NCKAP5: variants seen among roughly 807,000 people sequenced by gnomAD.
NCKAP5 encodes NCK associated protein 5, also known as nck-associated protein 5.
A neutral mutation model predicts 167.0 loss-of-function variants in NCKAP5; 92 were observed. The observed-to-expected ratio is 0.55, with a 90% CI of 0.47 to 0.66. NCKAP5 has a LOEUF of 0.66. Ranked by LOEUF, NCKAP5 falls within the 30% of genes least tolerant of loss-of-function variation. The pLI, the probability that NCKAP5 is intolerant of heterozygous loss-of-function variation, is 0.00. For missense variants in NCKAP5, 2,378 were observed against 2,315.0 expected (o/e 1.03, Z -0.56); for synonymous variants, 891 against 877.4 (o/e 1.02, Z -0.27).
chr2:133,656,082 C>T, the NCKAP5 span, among the ~76,000 whole-genome samples: 11 of 152,162 alleles, frequency 7.2e-5, no homozygotes, highest in African/African-American at 2.7e-4. Context: ...CCTGTTCAAA[C>T]ACACAACATA....
chr2:133,283,143 T>C (rs2089987212), intron 4 of NCKAP5, among the ~76,000 whole-genome samples: 1 of 152,180 alleles, frequency 6.6e-6, no homozygotes, highest in Admixed American at 6.5e-5. Flanking sequence ...AATTTGGGAA[T>C]GCATTTTGGT....
intron 6 of NCKAP5, among the ~76,000 whole-genome samples, chr2:133,000,417 C>T (rs1201691735): frequency 6.6e-6 from 1 of 152,152 alleles, no homozygotes; most frequent in Non-Finnish European, 1.5e-5. Context: ...GAGAACAATG[C>T]TCATCTTCTA....
intron 3 of NCKAP5, among the ~76,000 whole-genome samples, chr2:133,410,489 T>C (rs1312389602): frequency 1.3e-5 from 2 of 152,210 alleles, no homozygotes; most frequent in African/African-American, 4.8e-5. Flanking sequence ...CTTAGGAAAA[T>C]TAATTGTCAT....
the NCKAP5 span, among the ~76,000 whole-genome samples, chr2:133,614,374 C>G: frequency 6.6e-6 from 1 of 152,036 alleles, no homozygotes; most frequent in Non-Finnish European, 1.5e-5. Context: ...AAATTCAAAC[C>G]AAAGGCAAAG....
chr2:133,022,680 T>A (rs1325634781), intron 6 of NCKAP5, among the ~76,000 whole-genome samples: 3 of 152,186 alleles, frequency 2.0e-5, no homozygotes, highest in African/African-American at 7.2e-5. Flanking sequence ...GCCCCTCCTC[T>A]ATCCCCTCGG....
intron 6 of NCKAP5, among the ~76,000 whole-genome samples, chr2:133,005,102 G>T (rs1311527090): frequency 6.6e-6 from 1 of 152,072 alleles, no homozygotes; most frequent in African/African-American, 2.4e-5. Context: ...AACAATTTTT[G>T]CAGTTAACAC....
At position 132,953,168 on chromosome 2, in the gene NCKAP5, C is replaced by T. The variant is rs368431085; in HGVS notation, c.579+10552G>A. Among the ~76,000 whole-genome samples, 13 of 152,188 alleles carry T rather than the reference C, an allele frequency of 8.5e-5. No homozygotes were observed. In the East Asian group the frequency reaches 1.9e-3, roughly 23 times the overall value. On this transcript the variant is annotated intron_variant, in intron 8 of 19. Transcript: ENST00000409261. ...ACTTGCACATATAAACAGGCCGAGCCACTTGGCCTCATCTCTGGCCATAGG... is the reference window on the plus strand; with the variant it reads ...ACTTGCACATATAAACAGGCCGAGCTACTTGGCCTCATCTCTGGCCATAGG...
Position 133,090,617 on chromosome 2 carries a change from T to G in NCKAP5, c.341+39361A>C, listed in dbSNP as rs560098787. On this transcript the variant is annotated intron_variant, in intron 6 of 19. Transcript: ENST00000409261. ...CCAGAACTGTGAGACAATAAATTTC[T>G]GTCCTTTTAAGCCACCAAGTCTGTG... Among the ~76,000 whole-genome samples the G allele has an allele frequency of 5.3e-5, 8 of 152,298 alleles. No homozygotes were observed. The South Asian group carries it at 1.5e-3, about 28-fold the overall frequency.
intron 12 of NCKAP5, among the ~76,000 whole-genome samples, chr2:132,794,664 C>CACACACAT (rs1684433342): frequency 6.6e-6 from 1 of 151,394 alleles, no homozygotes; most frequent in African/African-American, 2.4e-5. Flanking sequence ...CACACACACA[C>CACACACAT]ACACACACAC....
intron 19 of NCKAP5, among the ~76,000 whole-genome samples, chr2:132,723,972 C>T (rs924862096): frequency 2.0e-5 from 3 of 152,170 alleles, no homozygotes; most frequent in African/African-American, 7.2e-5. Context: ...AGGGTTCTGG[C>T]CCCTTCTCAT....
At chr2:133,628,772 C>T in the NCKAP5 span, among the ~76,000 whole-genome samples, 1 of 152,166 alleles carries the variant, frequency 6.6e-6, no homozygotes, top group Non-Finnish European at 1.5e-5. Flanking sequence ...CATCATTGTG[C>T]TGGTACAAAA....
intron 8 of NCKAP5, among the ~76,000 whole-genome samples, chr2:132,932,325 C>CT (rs1003125859): frequency 3.3e-4 from 50 of 151,762 alleles, no homozygotes; most frequent in East Asian, 7.7e-4. Context: ...CTTTTCTTTT[C>CT]TTTTTTTTGT....
intron 3 of NCKAP5, among the ~76,000 whole-genome samples, chr2:133,487,106 C>T (rs913488158): frequency 1.3e-5 from 2 of 152,106 alleles, no homozygotes; most frequent in East Asian, 3.9e-4. Context: ...CTGTTCATAG[C>T]CCACATTTCT....
At chr2:132,936,493 A>C (rs945976529) in intron 8 of NCKAP5, among the ~76,000 whole-genome samples, 4 of 152,206 alleles carry the variant, frequency 2.6e-5, no homozygotes, top group Admixed American at 2.6e-4. Context: ...TCCTCACTCC[A>C]TGTGGCTGCA....
intron 16 of NCKAP5, among the ~76,000 whole-genome samples, chr2:132,771,092 TA>T (rs35518445): frequency 6.6e-6 from 1 of 151,842 alleles, no homozygotes; most frequent in Non-Finnish European, 1.5e-5. Flanking sequence ...TTCCATTTAA[TA>T]AAAAAAGTTA....
chr2:133,228,553 T>C (rs1209171299), intron 4 of NCKAP5, among the ~76,000 whole-genome samples: 3 of 152,198 alleles, frequency 2.0e-5, no homozygotes, highest in Non-Finnish European at 4.4e-5. Flanking sequence ...TATATATTTC[T>C]GTGTATTCCC....
At chr2:133,648,112 C>CT in the NCKAP5 span, among the ~76,000 whole-genome samples, 4 of 152,004 alleles carry the variant, frequency 2.6e-5, no homozygotes, top group African/African-American at 9.7e-5. Flanking sequence ...TCAAAATGGA[C>CT]TTTAACTCCA....
At chr2:133,444,699 C>A (rs1691086720) in intron 3 of NCKAP5, among the ~76,000 whole-genome samples, 1 of 152,192 alleles carries the variant, frequency 6.6e-6, no homozygotes, top group Non-Finnish European at 1.5e-5. Context: ...TCCTTGCACT[C>A]TGATCTTTGC....
intron 6 of NCKAP5, among the ~76,000 whole-genome samples, chr2:133,056,354 G>C (rs895363661): frequency 6.6e-6 from 1 of 151,968 alleles, no homozygotes; most frequent in African/African-American, 2.4e-5. Context: ...TTATTATATA[G>C]TTCCATATTT....
Sources: gnomAD v4.1 joint callset for allele counts (sites outside exome capture counted in the v4.1 genomes callset) on GRCh38, gnomAD v4.1.1 for gene constraint, MANE v1.5 for transcripts, NCBI Gene and HGNC (gene_info 2026-07-23, HGNC 2026-07-21) for gene names.